Variants in SPATA12 observed in about 807,000 individuals in gnomAD.
The protein encoded by SPATA12 is spermatogenesis associated 12.
For synonymous variants in SPATA12, 85 were observed against 89.2 expected, an observed-to-expected ratio of 0.95 and a Z score of 0.26; for missense variants, 219 against 226.4, an observed-to-expected ratio of 0.97 and a Z score of 0.21.
At chr3:57,067,995 A>T (rs1426189172) in intron 1 of SPATA12, among the ~76,000 whole-genome samples, 2 of 151,920 alleles carry the variant, frequency 1.3e-5, no homozygotes, top group African/African-American at 4.8e-5. Flanking sequence ...GTCTCAAAAA[A>T]AACAAAAACA....
In SPATA12 at chr3:57,073,602, G is replaced by C; in HGVS notation, c.-93G>C. 1.4e-6 allele frequency: 2 copies of C among 1,479,298 alleles called. No individual in the cohort carries two copies. Among genetic ancestry groups the C allele is most frequent in the Non-Finnish European group, 1.8e-6 (2 of 1,118,254 alleles). 91.6% of individuals were successfully genotyped at this position (1,479,298 alleles called of 1,614,324 possible). A position where few individuals can be genotyped will look rare whatever the true frequency, so the allele number is the denominator to read the frequency against. ...AATTGGAACAGTGCACTCAGAGCCA[G>C]GTTGCAAGAGTGCTGCATGCTCCTC... On this transcript the variant is annotated 5_prime_UTR_variant, in exon 2 of 2. Coordinates refer to ENST00000334325, the MANE Select transcript of SPATA12 (RefSeq NM_181727.2).
At chr3:57,062,308 G>A (rs1312512242) in intron 1 of SPATA12, among the ~76,000 whole-genome samples, 1 of 152,152 alleles carries the variant, frequency 6.6e-6, no homozygotes, top group Non-Finnish European at 1.5e-5. Flanking sequence ...GGGTTAGGAT[G>A]ACCCTGAGGA....
Position 57,069,857 on chromosome 3 carries a change from C to T in SPATA12, c.-329-3509C>T, listed in dbSNP as rs76939798. On this transcript the variant is annotated intron_variant, in intron 1 of 1. Coordinates refer to ENST00000334325, the MANE Select transcript of SPATA12 (RefSeq NM_181727.2). Reference sequence around the variant, plus strand: ...ATAGAGTCTCGCTTTGCTGCCCAGGCGGGTCTCAAACTCCTAGCCTGAGGC... The same window carrying T: ...ATAGAGTCTCGCTTTGCTGCCCAGGTGGGTCTCAAACTCCTAGCCTGAGGC... Among the ~76,000 whole-genome samples, 932 of 152,214 alleles carry T rather than the reference C, an allele frequency of 6.1e-3. 11 individuals carry two copies. Among genetic ancestry groups the T allele is most frequent in the African/African-American group, 0.021 (892 of 41,546 alleles).
chr3:57,067,489 A>ATAATAATAATAT (rs1261385365), intron 1 of SPATA12, among the ~76,000 whole-genome samples: 1 of 144,698 alleles, frequency 6.9e-6, no homozygotes, highest in African/African-American at 2.5e-5. Context: ...AATAATAATA[A>ATAATAATAATAT]TATTTGTCTA....
Position 57,073,735 on chromosome 3 carries a change from A to G in SPATA12, c.41A>G (p.Lys14Arg), listed in dbSNP as rs1351595249. The change falls in exon 2 of 2, where the codon AAG (lysine) becomes AGG (arginine). Residue 14 changes from lysine to arginine, a missense_variant. Transcript: ENST00000334325. ...CTGACTTGTGGGTCCACCTTAGAAA[A>G]GTCAGGAGACACCTGGGAAATGAAG... is the stretch of plus-strand genomic sequence containing the variant. ...SALTCGSTLE[K>R]SGDTWEMKAL... The G allele has an allele frequency of 6.2e-7, 1 of 1,614,154 alleles. No homozygotes were observed. The highest frequency in any genetic ancestry group is 1.7e-5 in the Admixed American group (1 of 60,016).
intron 1 of SPATA12, among the ~76,000 whole-genome samples, chr3:57,067,315 C>A (rs968644400): frequency 1.3e-5 from 2 of 151,644 alleles, no homozygotes; most frequent in South Asian, 4.2e-4. Flanking sequence ...ATTAGCCGGG[C>A]GTGGTGGCGG....
Position 57,073,513 on chromosome 3 carries a change from A to G in SPATA12, c.-182A>G. ...GGAAAACCTCTGCAGTATCTGGGTG[A>G]CTGTGGGGTTTGGCTCTGTTTGAGC... On this transcript the variant is annotated 5_prime_UTR_variant, in exon 2 of 2. Coordinates refer to ENST00000334325, the MANE Select transcript of SPATA12 (RefSeq NM_181727.2). 1.1e-6 allele frequency: 1 copy of G among 918,542 alleles called. No individual in the cohort carries two copies. 56.9% of individuals were successfully genotyped at this position (918,542 alleles called of 1,614,324 possible).
In SPATA12 at chr3:57,073,519, G is replaced by A. The variant is rs1706049044; in HGVS notation, c.-176G>A. The A allele has an allele frequency of 1.1e-5, 11 of 999,248 alleles. No homozygotes were observed. In the South Asian group the frequency reaches 1.3e-4, roughly 12 times the overall value. The allele number at this position is 999,248 out of a possible 1,614,324, so 61.9% of individuals were successfully genotyped here. On this transcript the variant is annotated 5_prime_UTR_variant, in exon 2 of 2. Transcript: ENST00000334325. ...CCTCTGCAGTATCTGGGTGACTGTG[G>A]GGTTTGGCTCTGTTTGAGCACCCCG...
chr3:57,064,175 CAG>C (rs1213097939), intron 1 of SPATA12, among the ~76,000 whole-genome samples: 1 of 152,090 alleles, frequency 6.6e-6, no homozygotes, highest in African/African-American at 2.4e-5. Context: ...AAGCTGAGGT[CAG>C]AGGATTGCTT....
rs946997016 is a variant in SPATA12 at position 57,060,805 on chromosome 3, G to T, written c.-330+19G>T. 6.8e-6 allele frequency: 1 copy of T among 146,862 alleles called. No individual in the cohort carries two copies. The highest frequency in any genetic ancestry group is 1.5e-5 in the Non-Finnish European group (1 of 66,918). 9.1% of individuals were successfully genotyped at this position (146,862 alleles called of 1,614,324 possible). On this transcript the variant is annotated intron_variant, in intron 1 of 1. Transcript: ENST00000334325. The stretch of plus-strand genomic sequence containing the variant: ...GTGTCTTGTGAGTAGTTTACCTGCC[G>T]CCCCACCCCCACCCCGAAACACACA...
chr3:57,062,741 A>C (rs1363431407), intron 1 of SPATA12, among the ~76,000 whole-genome samples: 1 of 152,200 alleles, frequency 6.6e-6, no homozygotes, highest in Non-Finnish European at 1.5e-5. Flanking sequence ...ACACACACAT[A>C]CATACACATA....
Position 57,074,479 on chromosome 3 carries a change from G to C in SPATA12, c.*212G>C, listed in dbSNP as rs535357324. 1.7e-6 allele frequency: 1 copy of C among 591,336 alleles called. No individual in the cohort carries two copies. Among genetic ancestry groups the C allele is most frequent in the African/African-American group, 1.9e-5 (1 of 53,544 alleles). 36.6% of individuals were successfully genotyped at this position (591,336 alleles called of 1,614,324 possible). A position where few individuals can be genotyped will look rare whatever the true frequency, so the allele number is the denominator to read the frequency against. On this transcript the variant is annotated 3_prime_UTR_variant, in exon 2 of 2. Coordinates refer to ENST00000334325, the MANE Select transcript of SPATA12 (RefSeq NM_181727.2). ...AGAAATCAAGATTCAGAAAGGTTAAGTTACTGGCACAAGGTCACACAATCC... is the reference window on the plus strand; with the variant it reads ...AGAAATCAAGATTCAGAAAGGTTAACTTACTGGCACAAGGTCACACAATCC...
rs996074852 is a variant in SPATA12 at position 57,073,508 on chromosome 3, G to A, written c.-187G>A. On this transcript the variant is annotated 5_prime_UTR_variant, in exon 2 of 2. Coordinates refer to ENST00000334325, the MANE Select transcript of SPATA12 (RefSeq NM_181727.2). Reference sequence around the variant, plus strand: ...ACATGGGAAAACCTCTGCAGTATCTGGGTGACTGTGGGGTTTGGCTCTGTT... The same window carrying A: ...ACATGGGAAAACCTCTGCAGTATCTAGGTGACTGTGGGGTTTGGCTCTGTT... 9.2e-6 allele frequency: 8 copies of A among 873,432 alleles called. No homozygotes were observed. The African/African-American group carries it at 1.2e-4, about 13-fold the overall frequency. 54.1% of individuals were successfully genotyped at this position (873,432 alleles called of 1,614,324 possible).
At chr3:57,069,821 G>C (rs761531768) in intron 1 of SPATA12, among the ~76,000 whole-genome samples, 1 of 151,914 alleles carries the variant, frequency 6.6e-6, no homozygotes, top group Non-Finnish European at 1.5e-5. Context: ...ATTTTTAATT[G>C]TTTTATAGAA....
chr3:57,069,442 C>T (rs1157447708), intron 1 of SPATA12, among the ~76,000 whole-genome samples: 3 of 151,656 alleles, frequency 2.0e-5, no homozygotes, highest in Non-Finnish European at 4.4e-5. Context: ...CTCCTCACCC[C>T]AGATGAGTTG....
rs961011047 is a variant in SPATA12 at position 57,073,541 on chromosome 3, C to G, written c.-154C>G. On this transcript the variant is annotated 5_prime_UTR_variant, in exon 2 of 2. Transcript: ENST00000334325. ...GTGGGGTTTGGCTCTGTTTGAGCAC[C>G]CCGGGATGATTGGTGGTGGGGTGTG... is the stretch of plus-strand genomic sequence containing the variant. The G allele has an allele frequency of 7.6e-7, 1 of 1,323,390 alleles. No individual in the cohort carries two copies. Among genetic ancestry groups the G allele is most frequent in the East Asian group, 2.5e-5 (1 of 39,516 alleles). 82.0% of individuals were successfully genotyped at this position (1,323,390 alleles called of 1,614,324 possible). A position where few individuals can be genotyped will look rare whatever the true frequency, so the allele number is the denominator to read the frequency against.
intron 1 of SPATA12, among the ~76,000 whole-genome samples, chr3:57,068,826 C>A (rs530967741): frequency 6.6e-6 from 1 of 152,228 alleles, no homozygotes; most frequent in Non-Finnish European, 1.5e-5. Context: ...CACACACGCA[C>A]ACACCCCCCT....
chr3:57,064,137 T>C (rs1485254351), intron 1 of SPATA12, among the ~76,000 whole-genome samples: 3 of 151,972 alleles, frequency 2.0e-5, no homozygotes, highest in Non-Finnish European at 2.9e-5. Flanking sequence ...GGCATAGTGG[T>C]GCATGCCTGT....
At chr3:57,072,682 C>T (rs1207036277) in intron 1 of SPATA12, among the ~76,000 whole-genome samples, 2 of 140,158 alleles carry the variant, frequency 1.4e-5, no homozygotes, top group East Asian at 4.2e-4. Flanking sequence ...GCAGAGGTTG[C>T]AGTGAGCTGA....
Sources: gnomAD v4.1 joint callset for allele counts (sites outside exome capture counted in the v4.1 genomes callset) on GRCh38, gnomAD v4.1.1 for gene constraint, MANE v1.5 for transcripts, NCBI Gene and HGNC (gene_info 2026-07-23, HGNC 2026-07-21) for gene names.